The following RMC1 variants were observed in gnomAD, a reference collection of about 807,000 sequenced individuals.
RMC1 encodes the protein regulator of MON1-CCZ1 complex.
Under a neutral mutation model 95.5 loss-of-function variants are expected in RMC1, and 44 were observed. The ratio of observed to expected loss-of-function variants is 0.46; its 90% CI spans 0.36 to 0.59. The LOEUF (loss-of-function observed/expected upper bound fraction) is 0.59. Among genes scored for constraint, RMC1 ranks in the 20% least tolerant of loss-of-function variants. RMC1 has a pLI of 0.00. For synonymous variants in RMC1, 320 were observed against 303.6 expected (o/e 1.05, Z -0.56); for missense variants, 705 against 819.6 (o/e 0.86, Z 1.71).
At chr18:23,528,799 A>G (rs941454216) in intron 14 of RMC1, 2 of 172,844 alleles carry the variant, frequency 1.2e-5, no homozygotes, top group African/African-American at 4.8e-5. Flanking sequence ...GACCAGCCAC[A>G]TGAGCAGCAT....
Position 23,510,808 on chromosome 18 carries a change from A to G in RMC1, c.408+1529A>G, listed in dbSNP as rs185915025. The stretch of plus-strand genomic sequence containing the variant: ...TCACACTAGTCAGCATAGCCATTAT[A>G]AAAAAGTCAAAGAATAACAGATACT... On this transcript the variant is annotated intron_variant, in intron 5 of 19. Coordinates refer to ENST00000269221, the MANE Select transcript of RMC1 (RefSeq NM_013326.5). Among the ~76,000 whole-genome samples the G allele has an allele frequency of 1.6e-3, 242 of 152,364 alleles. 1 individual carries two copies. The highest frequency in any genetic ancestry group is 5.5e-3 in the African/African-American group (229 of 41,588).
chr18:23,517,667 C>T (rs1396781603), intron 7 of RMC1, among the ~76,000 whole-genome samples: 1 of 151,976 alleles, frequency 6.6e-6, no homozygotes, highest in African/African-American at 2.4e-5. Flanking sequence ...GTATAATGTT[C>T]TTTCATTTCT....
At position 23,530,388 on chromosome 18, in the gene RMC1, G is replaced by A. The variant is rs1396419968; in HGVS notation, c.1670G>A (p.Arg557Gln). The change falls in exon 19 of 20, where the codon CGA (arginine) becomes CAA (glutamine). Residue 557 changes from arginine to glutamine, a missense_variant and splice_region_variant. Physicochemically the swap from Arg to Gln is conservative, Grantham distance 43. Transcript: ENST00000269221. Reference sequence around the variant, plus strand: ...TGGACTTCTCTCCCTTACTGCTAGCGACTTTCAACAGCAAATGATGAAATA... The same window carrying A: ...TGGACTTCTCTCCCTTACTGCTAGCAACTTTCAACAGCAAATGATGAAATA... ...AHQLSLDMLKRLSTANDEIVE... is the reference protein window; with the variant it reads ...AHQLSLDMLKQLSTANDEIVE... 7 of 1,613,976 alleles carry A rather than the reference G, an allele frequency of 4.3e-6. No individual in the cohort carries two copies. The highest frequency in any genetic ancestry group is 5.9e-6 in the Non-Finnish European group (7 of 1,179,994).
At chr18:23,515,332 A>G (rs1405941242) in intron 5 of RMC1, among the ~76,000 whole-genome samples, 1 of 152,182 alleles carries the variant, frequency 6.6e-6, no homozygotes, top group Non-Finnish European at 1.5e-5. Flanking sequence ...TCATCTGGCT[A>G]ATAGGGCCAG....
In RMC1 at chr18:23,503,736, G is replaced by C; in HGVS notation, c.102+16G>C. 6.3e-7 allele frequency: 1 copy of C among 1,579,284 alleles called. No homozygotes were observed. Among genetic ancestry groups the C allele is most frequent in the Non-Finnish European group, 8.6e-7 (1 of 1,164,024 alleles). On this transcript the variant is annotated intron_variant, in intron 1 of 19. Coordinates refer to ENST00000269221, the MANE Select transcript of RMC1 (RefSeq NM_013326.5). ...CAACAAGCAGGTCCGGCGCGCCCGCGCTTCCTCCCCCGCGCGGCCCTGCCG... is the reference window on the plus strand; with the variant it reads ...CAACAAGCAGGTCCGGCGCGCCCGCCCTTCCTCCCCCGCGCGGCCCTGCCG...
chr18:23,525,384 C>G (rs1249446811), intron 12 of RMC1, among the ~76,000 whole-genome samples: 1 of 151,420 alleles, frequency 6.6e-6, no homozygotes, highest in Non-Finnish European at 1.5e-5. Flanking sequence ...AGTAGCTGGG[C>G]CTACAGGCGC....
At chr18:23,511,310 G>A (rs1038738379) in intron 5 of RMC1, among the ~76,000 whole-genome samples, 2 of 152,106 alleles carry the variant, frequency 1.3e-5, no homozygotes, top group African/African-American at 2.4e-5. Flanking sequence ...CAACAGACAC[G>A]GGGGGCTACT....
At chr18:23,504,718 G>A (rs966736851) in intron 2 of RMC1, 1 of 322,648 alleles carries the variant, frequency 3.1e-6, no homozygotes, top group Non-Finnish European at 5.9e-6. Context: ...ACAAGTCAGC[G>A]TGATGATGTG....
chr18:23,529,118 T>C lies in RMC1; in HGVS notation c.1297-61T>C. ...AAGAATTCAGTCCTTGTGGATGAACTGTAAACAGCACCCTTCCTCTAAGAT... is the reference window on the plus strand; with the variant it reads ...AAGAATTCAGTCCTTGTGGATGAACCGTAAACAGCACCCTTCCTCTAAGAT... On this transcript the variant is annotated intron_variant, in intron 14 of 19. Transcript: ENST00000269221. The C allele has an allele frequency of 2.5e-6, 4 of 1,574,866 alleles. No homozygotes were observed. The South Asian group carries it at 3.5e-5, about 14-fold the overall frequency.
intron 4 of RMC1, 149 bp downstream of exon 4, chr18:23,508,190 T>C: frequency 1.6e-6 from 1 of 639,500 alleles, no homozygotes; most frequent in Non-Finnish European, 2.5e-6. Context: ...TCAGGCGGGG[T>C]GTTTGCTTTG....
intron 15 of RMC1, 78 bp from the exon 16 acceptor site, chr18:23,529,557 G>C (rs1341899823): frequency 8.8e-6 from 12 of 1,358,306 alleles, no homozygotes; most frequent in South Asian, 7.1e-5. Context: ...GAAACAAGGT[G>C]GGGGTTGGAT....
intron 13 of RMC1, 32 bp downstream of exon 13, chr18:23,526,797 CCA>C: frequency 6.2e-7 from 1 of 1,610,006 alleles, no homozygotes; most frequent in Non-Finnish European, 8.5e-7. Flanking sequence ...TGCTCTGATT[CCA>C]GTGTGAGGCC....
In RMC1 at chr18:23,519,097, T is replaced by TTGAA. The variant is rs2058081693; in HGVS notation, c.773_776dup (p.Lys259AsnfsTer5). Reference sequence around the variant, plus strand: ...AGGTGCCTGTAAAAAGATGCACATATTGAAGTTAAATAGGACGGGAAAGTT... The same window carrying TTGAA: ...AGGTGCCTGTAAAAAGATGCACATATTGAATGAAGTTAAATAGGACGGGAAAGTT... On this transcript the variant is annotated frameshift_variant, in exon 9 of 20. Coordinates refer to ENST00000269221, the MANE Select transcript of RMC1 (RefSeq NM_013326.5). LOFTEE classifies it high-confidence loss of function. The TTGAA allele has an allele frequency of 6.2e-7, 1 of 1,614,048 alleles. No individual in the cohort carries two copies. The highest frequency in any genetic ancestry group is 1.3e-5 in the African/African-American group (1 of 74,924).
In RMC1 at chr18:23,518,992, C is replaced by CT; in HGVS notation, c.743+16dup. 1 of 1,613,746 alleles carries CT rather than the reference C, an allele frequency of 6.2e-7. No individual in the cohort carries two copies. Among genetic ancestry groups the CT allele is most frequent in the Non-Finnish European group, 8.5e-7 (1 of 1,179,664 alleles). ...ATCATCTACCACGGTAGATTTCATG[C>CT]TTTGTTTTCCCTCTCTCTCTGATTT... On this transcript the variant is annotated intron_variant, in intron 8 of 19. Coordinates refer to ENST00000269221, the MANE Select transcript of RMC1 (RefSeq NM_013326.5).
At chr18:23,530,361 C>T (rs2058455577) in intron 18 of RMC1, 26 bp from the exon 19 acceptor site, 3 of 1,613,836 alleles carry the variant, frequency 1.9e-6, no homozygotes, top group Non-Finnish European at 2.5e-6. Context: ...TTTGCACTGA[C>T]CTGGACTTCT....
At chr18:23,529,739 T>G in intron 16 of RMC1, 27 bp downstream of exon 16, 4 of 1,586,300 alleles carry the variant, frequency 2.5e-6, no homozygotes, top group Non-Finnish European at 3.5e-6. Flanking sequence ...TGGGCCCAAG[T>G]TAAAACAGAA....
In RMC1 at chr18:23,524,479, C is replaced by T; in HGVS notation, c.1057C>T (p.Gln353Ter). ...ACCTGACATCATTATCAGCGCAAGC[C>T]AAGGTAGGTCAGCGGGGACAGTTGT... ...FQPDIIISAS[Q>*]GYLWNLQVKL... Residue 353 changes from glutamine to a stop codon, truncating the protein, a stop_gained, in exon 12 of 20, where the codon CAA becomes TAA. Coordinates refer to ENST00000269221, the MANE Select transcript of RMC1 (RefSeq NM_013326.5). LOFTEE classifies it high-confidence loss of function. The T allele has an allele frequency of 1.2e-6, 2 of 1,613,960 alleles. No homozygotes were observed. The highest frequency in any genetic ancestry group is 1.7e-6 in the Non-Finnish European group (2 of 1,179,874).
intron 5 of RMC1, among the ~76,000 whole-genome samples, chr18:23,513,196 C>G (rs1475491987): frequency 6.6e-6 from 1 of 152,192 alleles, no homozygotes; most frequent in African/African-American, 2.4e-5. Flanking sequence ...TCAGGTGATC[C>G]ACTCACCTCA....
intron 16 of RMC1, 75 bp downstream of exon 16, chr18:23,529,787 A>T (rs2058434152): frequency 2.9e-6 from 4 of 1,399,320 alleles, no homozygotes; most frequent in Non-Finnish European, 3.0e-6. Context: ...GTCTTAGAAG[A>T]TGACTCATAT....
Sources: allele counts gnomAD v4.1 joint callset (sites outside exome capture counted in the v4.1 genomes callset), GRCh38; gene constraint gnomAD v4.1.1; transcripts MANE v1.5; gene names NCBI Gene and HGNC (gene_info 2026-07-23, HGNC 2026-07-21).